PTGFRN: variants seen among roughly 807,000 people sequenced by gnomAD.
PTGFRN encodes prostaglandin F2 receptor inhibitor.
A neutral mutation model predicts 83.2 loss-of-function variants in PTGFRN; 35 were observed. The observed-to-expected ratio is 0.42, with a 90% CI of 0.32 to 0.56. The LOEUF is 0.56. Among genes scored for constraint, PTGFRN ranks in the 20% least tolerant of loss-of-function variants. The probability of loss-of-function intolerance (pLI) is 0.11; values close to 1 mark genes in which losing one functional copy is unlikely to be tolerated. For synonymous variants in PTGFRN, 519 were observed against 498.6 expected, an observed-to-expected ratio of 1.04 and a Z score of -0.55; for missense variants, 1,051 against 1,179.5, an observed-to-expected ratio of 0.89 and a Z score of 1.60.
chr1:116,910,492 C>G (rs1315932615), intron 1 of PTGFRN, among the ~76,000 whole-genome samples: 1 of 151,712 alleles, frequency 6.6e-6, no homozygotes. Flanking sequence ...TCCGCCAGGC[C>G]GAGCCTCGCC....
intron 1 of PTGFRN, among the ~76,000 whole-genome samples, chr1:116,935,046 T>C (rs1343804943): frequency 2.0e-5 from 3 of 152,236 alleles, no homozygotes; most frequent in African/African-American, 7.2e-5. Flanking sequence ...AAAATTTTAC[T>C]TAACCTTTAG....
intron 6 of PTGFRN, among the ~76,000 whole-genome samples, chr1:116,969,963 CTTGT>C (rs372919450): frequency 9.2e-5 from 14 of 152,200 alleles, no homozygotes; most frequent in African/African-American, 3.1e-4. Context: ...CCTTGCTGAA[CTTGT>C]TTATTAATTC....
In PTGFRN at chr1:116,909,997, G is replaced by A; in HGVS notation, c.-207G>A. On this transcript the variant is annotated 5_prime_UTR_variant, in exon 1 of 9. Coordinates refer to ENST00000393203, the MANE Select transcript of PTGFRN (RefSeq NM_020440.4). ...CCCGGGCCCGGCCGGCTGGAGGAGGGAGGGAAGGAGGCGGGAGGGAGCGAG... is the reference window on the plus strand; with the variant it reads ...CCCGGGCCCGGCCGGCTGGAGGAGGAAGGGAAGGAGGCGGGAGGGAGCGAG... 2 of 632,394 alleles carry A rather than the reference G, an allele frequency of 3.2e-6. 1 individual carries two copies. Among genetic ancestry groups the A allele is most frequent in the South Asian group, 3.6e-5 (2 of 56,224 alleles). 39.2% of individuals were successfully genotyped at this position (632,394 alleles called of 1,614,324 possible).
chr1:116,985,094 G>A lies in PTGFRN; in HGVS notation c.2473+109G>A, dbSNP rs114371288. On this transcript the variant is annotated intron_variant, in intron 8 of 8. Coordinates refer to ENST00000393203, the MANE Select transcript of PTGFRN (RefSeq NM_020440.4). Reference sequence around the variant, plus strand: ...CAGTTTGAGGAATGTGCCATAGCACGTCCTGCTTTCTTTCTAGACCTGGCC... The same window carrying A: ...CAGTTTGAGGAATGTGCCATAGCACATCCTGCTTTCTTTCTAGACCTGGCC... 1,112 of 1,168,150 alleles carry A rather than the reference G, an allele frequency of 9.5e-4. 7 individuals are homozygous for A. In the African/African-American group the frequency reaches 0.012, roughly 13 times the overall value. The allele number at this position is 1,168,150 out of a possible 1,614,324, so 72.4% of individuals were successfully genotyped here.
In PTGFRN at chr1:116,918,699, G is replaced by C. The variant is rs1050014436; in HGVS notation, c.49+8447G>C. Among the ~76,000 whole-genome samples, 4 of 152,210 alleles carry C rather than the reference G, an allele frequency of 2.6e-5. No individual in the cohort carries two copies. Among genetic ancestry groups the C allele is most frequent in the Non-Finnish European group, 5.9e-5 (4 of 68,040 alleles). ...CCCACGGGAATGTGACAGTCATTCA[G>C]TTAGCAGTGAAGGATGGAGGATAGC... On this transcript the variant is annotated intron_variant, in intron 1 of 8. Coordinates refer to ENST00000393203, the MANE Select transcript of PTGFRN (RefSeq NM_020440.4). This position sits in a 1 kb window ranked among gnomAD's most constrained non-coding sequence, Gnocchi z 4.1.
At chr1:116,975,521 C>T (rs767441953) in intron 7 of PTGFRN, among the ~76,000 whole-genome samples, 15 of 152,252 alleles carry the variant, frequency 9.9e-5, no homozygotes, top group East Asian at 1.9e-4. Context: ...CCCTCTGAGA[C>T]GAAGCTTCCA....
intron 1 of PTGFRN, among the ~76,000 whole-genome samples, chr1:116,925,572 G>A (rs1649637891): frequency 6.6e-6 from 1 of 152,194 alleles, no homozygotes; most frequent in Non-Finnish European, 1.5e-5. Context: ...AAAGTCCTGA[G>A]TGTAAAGAGC....
At chr1:116,917,541 T>C (rs1467761778) in intron 1 of PTGFRN, among the ~76,000 whole-genome samples, 3 of 152,188 alleles carry the variant, frequency 2.0e-5, no homozygotes, top group Non-Finnish European at 4.4e-5. Flanking sequence ...ATGCAGTCTC[T>C]GCAGTGATCT....
chr1:116,983,292 C>T (rs553453289), intron 7 of PTGFRN, among the ~76,000 whole-genome samples: 1 of 152,214 alleles, frequency 6.6e-6, no homozygotes, highest in Admixed American at 6.5e-5. Flanking sequence ...GGGATCAGGG[C>T]TTAGAGTCTG....
intron 3 of PTGFRN, among the ~76,000 whole-genome samples, chr1:116,947,949 C>A (rs781694578): frequency 2.6e-5 from 4 of 152,222 alleles, no homozygotes; most frequent in Non-Finnish European, 5.9e-5. Context: ...TTCTGTCTAG[C>A]TGGATCTTGA....
chr1:116,941,797 C>T lies in PTGFRN; in HGVS notation c.132C>T (p.Asn44=), dbSNP rs761314119. ...VVGTELVIPC[N]VSDYDGPSEQ... is the part of the protein sequence containing the mutation. ...GCACTGAGCTGGTCATCCCCTGCAA[C>T]GTCAGTGACTATGATGGCCCCAGCG... Residue 44 remains asparagine, a synonymous_variant, in exon 2 of 9, where the codon AAC becomes AAT. Transcript: ENST00000393203. This position sits in a 1 kb window ranked among gnomAD's most constrained non-coding sequence, Gnocchi z 5.0. The T allele has an allele frequency of 1.7e-5, 28 of 1,614,058 alleles. 1 individual carries two copies. The South Asian group carries it at 2.5e-4, about 15-fold the overall frequency.
chr1:116,980,258 T>C (rs926211831), intron 7 of PTGFRN, among the ~76,000 whole-genome samples: 11 of 152,314 alleles, frequency 7.2e-5, no homozygotes, highest in African/African-American at 2.4e-4. Flanking sequence ...ACTTTTACAC[T>C]GTTGGTGAGA....
At position 116,961,362 on chromosome 1, in the gene PTGFRN, G is replaced by A. The variant is rs982301347; in HGVS notation, c.1333G>A (p.Val445Ile). ...KSGEANVRFT[V>I]SWYYRMNRRS... The stretch of plus-strand genomic sequence containing the variant: ...TGGGGAGGCGAATGTCCGATTCACG[G>A]TTTCGTGGTACTACAGGATGAACCG... The change falls in exon 5 of 9, where the codon GTT (valine) becomes ATT (isoleucine). Residue 445 changes from valine (V) to isoleucine (I), a missense_variant. Val to Ile is a conservative substitution (Grantham distance 29, BLOSUM62 3). Coordinates refer to ENST00000393203, the MANE Select transcript of PTGFRN (RefSeq NM_020440.4). The surrounding 1 kb of genome is among the most constrained non-coding windows in gnomAD (Gnocchi z 5.4). 2 of 1,599,672 alleles carry A rather than the reference G, an allele frequency of 1.3e-6. No homozygotes were observed. The highest frequency in any genetic ancestry group is 3.4e-5 in the Admixed American group (2 of 59,372).
rs1570638378 is a variant in PTGFRN, at chr1:116,910,080, C to T, written c.-124C>T. On this transcript the variant is annotated 5_prime_UTR_variant, in exon 1 of 9. Transcript: ENST00000393203. ...GGGATTTATCGGCTCGCGAGGAGAG[C>T]GGAGCAGGCGCGCGGCCCAGGCGGA... is the stretch of plus-strand genomic sequence containing the variant. 1 of 1,060,882 alleles carries T rather than the reference C, an allele frequency of 9.4e-7. No homozygotes were observed. The highest frequency in any genetic ancestry group is 1.4e-6 in the Non-Finnish European group (1 of 724,764). 65.7% of individuals were successfully genotyped at this position (1,060,882 alleles called of 1,614,324 possible). A position where few individuals can be genotyped will look rare whatever the true frequency, so the allele number is the denominator to read the frequency against.
chr1:116,978,070 T>C (rs536244817), intron 7 of PTGFRN, among the ~76,000 whole-genome samples: 244 of 152,230 alleles, frequency 1.6e-3, no homozygotes, highest in Non-Finnish European at 8.7e-4. Context: ...AAATACAAAC[T>C]ACCATCAGAG....
rs1476092736 is a variant in PTGFRN, at chr1:116,923,852, C to T, written c.49+13600C>T. Among the ~76,000 whole-genome samples the T allele has an allele frequency of 1.3e-5, 2 of 152,050 alleles. No individual in the cohort carries two copies. The highest frequency in any genetic ancestry group is 2.9e-5 in the Non-Finnish European group (2 of 68,010). On this transcript the variant is annotated intron_variant, in intron 1 of 8. Transcript: ENST00000393203. This position sits in a 1 kb window ranked among gnomAD's most constrained non-coding sequence, Gnocchi z 4.0. ...CCACTATTTATTATCTGCCCCATGT[C>T]GAGCATTATTCTGGATCTGGGGGCA...
intron 4 of PTGFRN, among the ~76,000 whole-genome samples, chr1:116,955,107 T>G (rs1325333107): frequency 6.6e-6 from 1 of 152,242 alleles, no homozygotes; most frequent in Non-Finnish European, 1.5e-5. Flanking sequence ...TTTATTGTTT[T>G]GAAAGTTGTG....
chr1:116,910,081 G>A lies in PTGFRN; in HGVS notation c.-123G>A, dbSNP rs768841566. 5.6e-6 allele frequency: 6 copies of A among 1,072,668 alleles called. No individual in the cohort carries two copies. Among genetic ancestry groups the A allele is most frequent in the East Asian group, 2.8e-5 (1 of 35,744 alleles). The allele number at this position is 1,072,668 out of a possible 1,614,324, so 66.4% of individuals were successfully genotyped here. A position where few individuals can be genotyped will look rare whatever the true frequency, so the allele number is the denominator to read the frequency against. The stretch of plus-strand genomic sequence containing the variant: ...GGATTTATCGGCTCGCGAGGAGAGC[G>A]GAGCAGGCGCGCGGCCCAGGCGGAG... On this transcript the variant is annotated 5_prime_UTR_variant, in exon 1 of 9. Coordinates refer to ENST00000393203, the MANE Select transcript of PTGFRN (RefSeq NM_020440.4).
At chr1:116,924,508 C>G (rs1649609281) in intron 1 of PTGFRN, among the ~76,000 whole-genome samples, 2 of 152,132 alleles carry the variant, frequency 1.3e-5, no homozygotes, top group South Asian at 2.1e-4. Context: ...GGATCCAGAG[C>G]ACCCAGATAG....
Sources: gnomAD v4.1 joint callset for allele counts (sites outside exome capture counted in the v4.1 genomes callset) on GRCh38, gnomAD v4.1.1 for gene constraint, Gnocchi (gnomAD v3.1) non-coding constraint, MANE v1.5 for transcripts, NCBI Gene and HGNC (gene_info 2026-07-23, HGNC 2026-07-21) for gene names.